Variants in P4HA1 observed in about 807,000 individuals in gnomAD.
The protein encoded by P4HA1 is prolyl 4-hydroxylase subunit alpha-1.
A neutral mutation model predicts 72.8 loss-of-function variants in P4HA1; 24 were observed. The observed-to-expected ratio is 0.33, with a 90% CI of 0.24 to 0.46. The LOEUF (loss-of-function observed/expected upper bound fraction) is 0.46, where lower values mean the gene tolerates loss of function less well. Ranked by LOEUF, P4HA1 falls within the 20% of genes least tolerant of loss-of-function variation. The pLI, the probability that P4HA1 is intolerant of heterozygous loss-of-function variation, is 1.00. For missense variants in P4HA1, 446 were observed against 640.6 expected, an observed-to-expected ratio of 0.70 and a Z score of 3.28; for synonymous variants, 201 against 218.8, an observed-to-expected ratio of 0.92 and a Z score of 0.72.
At chr10:73,081,885 G>A (rs964635763) in intron 1 of P4HA1, among the ~76,000 whole-genome samples, 8 of 152,242 alleles carry the variant, frequency 5.3e-5, no homozygotes, top group East Asian at 3.9e-4. Context: ...GCGTGGTAGC[G>A]TGTGCCTCCA....
chr10:73,033,317 T>C (rs1417783395), intron 9 of P4HA1, among the ~76,000 whole-genome samples: 1 of 152,328 alleles, frequency 6.6e-6, no homozygotes, highest in Admixed American at 6.5e-5. Flanking sequence ...TCTTCTGATA[T>C]CTTCAACTTC....
At chr10:73,043,830 A>AT in intron 9 of P4HA1, 2 of 1,287,096 alleles carry the variant, frequency 1.6e-6, no homozygotes, top group Non-Finnish European at 2.2e-6. Context: ...AGAAAATTAG[A>AT]TTCCCAAGAA....
intron 10 of P4HA1, among the ~76,000 whole-genome samples, chr10:73,029,292 T>G (rs1169731768): frequency 2.6e-5 from 4 of 151,732 alleles, no homozygotes; most frequent in Non-Finnish European, 1.5e-5. Context: ...ATGCCTGTAA[T>G]CCCAGCTACT....
chr10:73,075,860 G>A (rs1161435112), intron 1 of P4HA1, among the ~76,000 whole-genome samples: 2 of 151,852 alleles, frequency 1.3e-5, no homozygotes, highest in African/African-American at 4.8e-5. Flanking sequence ...CGTGAGCCAC[G>A]GCACCCGGCC....
chr10:73,015,665 C>T (rs1839994483), intron 11 of P4HA1, among the ~76,000 whole-genome samples: 1 of 152,220 alleles, frequency 6.6e-6, no homozygotes, highest in African/African-American at 2.4e-5. Context: ...GCAGCCTACA[C>T]TGTGGCAGAT....
At chr10:73,090,457 G>A (rs1055469085) in intron 1 of P4HA1, among the ~76,000 whole-genome samples, 4 of 152,118 alleles carry the variant, frequency 2.6e-5, no homozygotes, top group African/African-American at 7.2e-5. Flanking sequence ...TGAAGGTGAT[G>A]GATATGTTCC....
chr10:73,072,372 T>C (rs1347808167), intron 3 of P4HA1, among the ~76,000 whole-genome samples, 192 bp from the exon 4 acceptor site: 1 of 152,194 alleles, frequency 6.6e-6, no homozygotes, highest in Non-Finnish European at 1.5e-5. Context: ...AATACAACTA[T>C]AGGACTTTTT....
At chr10:73,046,429 T>C (rs544162272) in intron 8 of P4HA1, among the ~76,000 whole-genome samples, 1 of 152,326 alleles carries the variant, frequency 6.6e-6, no homozygotes, top group South Asian at 2.1e-4. Flanking sequence ...CTTTTTAAGA[T>C]AAATTCTGTG....
rs1840881815 is a variant in P4HA1, at chr10:73,047,052, C to T, written c.950G>A (p.Arg317His). The change falls in exon 8 of 15, where the codon CGT (arginine) becomes CAT (histidine). Residue 317 changes from arginine to histidine, a missense_variant. Transcript: ENST00000394890. ...KLFCRYHDGNRNPKFILAPAK... is the reference protein window; with the variant it reads ...KLFCRYHDGNHNPKFILAPAK... ...TGGAGCCAGAATAAATTTAGGATTA[C>T]GGTTTCCATCATGGTAGCGGCAAAA... 1 of 1,613,632 alleles carries T rather than the reference C, an allele frequency of 6.2e-7. No homozygotes were observed. Among genetic ancestry groups the T allele is most frequent in the Non-Finnish European group, 8.5e-7 (1 of 1,179,636 alleles).
intron 6 of P4HA1, among the ~76,000 whole-genome samples, chr10:73,052,155 TAGA>T (rs1291431294): frequency 6.8e-6 from 1 of 146,864 alleles, no homozygotes; most frequent in African/African-American, 2.5e-5. Context: ...TACCTTTTAG[TAGA>T]AGAAAAGATG....
At chr10:73,038,477 C>G (rs1840652452) in intron 9 of P4HA1, among the ~76,000 whole-genome samples, 2 of 152,056 alleles carry the variant, frequency 1.3e-5, no homozygotes, top group Non-Finnish European at 2.9e-5. Flanking sequence ...TTTAACTAGA[C>G]TTTATGAGTT....
chr10:73,075,809 G>A (rs183031886), intron 1 of P4HA1, among the ~76,000 whole-genome samples: 103 of 151,922 alleles, frequency 6.8e-4, no homozygotes, highest in African/African-American at 2.2e-3. Flanking sequence ...GACCTCAGGT[G>A]ATCCGCCCAC....
At chr10:73,080,033 G>C (rs190016043) in intron 1 of P4HA1, among the ~76,000 whole-genome samples, 9 of 152,224 alleles carry the variant, frequency 5.9e-5, no homozygotes. Flanking sequence ...ACTTGTCTAG[G>C]ATCTATAAAC....
chr10:73,094,152 T>C (rs898047212), intron 1 of P4HA1, among the ~76,000 whole-genome samples: 4 of 152,008 alleles, frequency 2.6e-5, no homozygotes, highest in African/African-American at 7.2e-5. Context: ...CAATGTGATA[T>C]ACTTTCACAG....
intron 10 of P4HA1, among the ~76,000 whole-genome samples, chr10:73,027,781 CAAGCAAACATGGAAGG>C (rs1388250874): frequency 1.6e-5 from 2 of 127,856 alleles, no homozygotes; most frequent in Non-Finnish European, 3.2e-5. Flanking sequence ...AGGAAGGAAG[CAAGCAAACATGGAAGG>C]AAGGAAATAT....
At chr10:73,093,445 A>C (rs1842079115) in intron 1 of P4HA1, among the ~76,000 whole-genome samples, 1 of 151,292 alleles carries the variant, frequency 6.6e-6, no homozygotes, top group South Asian at 2.1e-4. Flanking sequence ...TGAATTGCCA[A>C]AGCTTTTCTT....
chr10:73,048,414 C>A (rs982078054), intron 7 of P4HA1, among the ~76,000 whole-genome samples: 3 of 152,126 alleles, frequency 2.0e-5, no homozygotes, highest in Non-Finnish European at 4.4e-5. Context: ...CAGGCCCCTG[C>A]CACCATGCTC....
chr10:73,036,010 G>GAA (rs1015946991), intron 9 of P4HA1, among the ~76,000 whole-genome samples: 1 of 151,984 alleles, frequency 6.6e-6, no homozygotes, highest in African/African-American at 2.4e-5. Context: ...CCAACGTGGT[G>GAA]AAACCCCGCC....
chr10:73,036,262 A>G (rs964598022), intron 9 of P4HA1, among the ~76,000 whole-genome samples: 24 of 150,514 alleles, frequency 1.6e-4, no homozygotes, highest in African/African-American at 6.0e-4. Flanking sequence ...TAGGTTAAAA[A>G]AAAAATAACT....
Sources: gnomAD v4.1 joint callset for allele counts (sites outside exome capture counted in the v4.1 genomes callset) on GRCh38, gnomAD v4.1.1 for gene constraint, MANE v1.5 for transcripts, NCBI Gene and HGNC (gene_info 2026-07-23, HGNC 2026-07-21) for gene names.